The following DHRS4L2 variants were observed in gnomAD, a reference collection of about 807,000 sequenced individuals.
DHRS4L2 encodes the protein dehydrogenase/reductase 4 like 2.
Under a neutral mutation model 23.9 loss-of-function variants are expected in DHRS4L2, and 22 were observed. That is an observed-to-expected ratio of 0.92 (90% CI 0.66 to 1.31). The LOEUF is 1.31. Ranked by LOEUF, DHRS4L2 falls within the 40% of genes most tolerant of loss-of-function variation. DHRS4L2 has a pLI of 0.00. For synonymous variants in DHRS4L2, 141 were observed against 123.7 expected, an observed-to-expected ratio of 1.14 and a Z score of -0.93; for missense variants, 385 against 303.3, an observed-to-expected ratio of 1.27 and a Z score of -2.00.
Position 23,995,113 on chromosome 14 carries a change from A to G in DHRS4L2, c.388A>G (p.Thr130Ala). ...TTTCTTTGGAAGCCTAATGGATGTC[A>G]CCGAGGAGGTGTGGGACAAGGTGAG... The part of the protein sequence containing the change: ...NPFFGSLMDV[T>A]EEVWDKTLDI... The change falls in exon 3 of 8, where the codon ACC (threonine) becomes GCC (alanine). Residue 130 changes from threonine to alanine, a missense_variant. By Grantham distance (58) the Thr-to-Ala change is moderately conservative (BLOSUM62 0). Coordinates refer to ENST00000335125, the MANE Select transcript of DHRS4L2 (RefSeq NM_198083.4). 6.2e-7 allele frequency: 1 copy of G among 1,612,862 alleles called. No individual in the cohort carries two copies. The highest frequency in any genetic ancestry group is 8.5e-7 in the Non-Finnish European group (1 of 1,179,394).
rs2138556984 is a variant in DHRS4L2, at chr14:23,999,976, T to A, written c.409-887T>A. ...TCCCGAAGTGCAGGGATTGCAGGCA[T>A]GAGCCACCATGCCCAGCCCTGAGTT... On this transcript the variant is annotated intron_variant, in intron 3 of 7. Transcript: ENST00000335125. Among the ~76,000 whole-genome samples, 2 of 138,704 alleles carry A rather than the reference T, an allele frequency of 1.4e-5. 1 individual carries two copies. The highest frequency in any genetic ancestry group is 4.0e-4 in the East Asian group (2 of 4,972). 91.0% of individuals were successfully genotyped at this position (138,704 alleles called of 152,430 possible).
intron 1 of DHRS4L2, among the ~76,000 whole-genome samples, chr14:23,976,954 G>A (rs1245972503): frequency 6.6e-6 from 1 of 150,630 alleles, no homozygotes; most frequent in African/African-American, 2.4e-5. Flanking sequence ...GGGTCTGTTG[G>A]GGGCTGGGGG....
chr14:23,994,472 G>T (rs2034335700), intron 2 of DHRS4L2, among the ~76,000 whole-genome samples: 2 of 151,698 alleles, frequency 1.3e-5, no homozygotes, highest in African/African-American at 4.8e-5. Flanking sequence ...TGGATGGCTT[G>T]AGCCCAGGAG....
upstream of DHRS4L2, chr14:23,988,921 T>A: frequency 6.2e-7 from 1 of 1,609,478 alleles, no homozygotes; most frequent in Non-Finnish European, 8.5e-7. Flanking sequence ...CTGGAAGGAG[T>A]GGAACCCAGA....
chr14:23,995,836 C>T (rs2034371279), intron 3 of DHRS4L2, among the ~76,000 whole-genome samples: 1 of 151,724 alleles, frequency 6.6e-6, no homozygotes, highest in African/African-American at 2.4e-5. Flanking sequence ...TTGGGAAATG[C>T]TAATTTTTAT....
chr14:23,973,508 G>T (rs2033906876), intron 1 of DHRS4L2, among the ~76,000 whole-genome samples: 1 of 151,910 alleles, frequency 6.6e-6, no homozygotes, highest in African/African-American at 2.4e-5. Flanking sequence ...TGCCAAGAGT[G>T]AGCGAGGGCT....
At chr14:23,971,848 G>C (rs2033863701) in intron 1 of DHRS4L2, among the ~76,000 whole-genome samples, 1 of 152,066 alleles carries the variant, frequency 6.6e-6, no homozygotes, top group East Asian at 1.9e-4. Context: ...ACATGGAAAG[G>C]AACAACGGGT....
intron 7 of DHRS4L2, chr14:24,004,602 G>T (rs978896364): frequency 2.2e-5 from 18 of 815,916 alleles, no homozygotes; most frequent in Admixed American, 4.2e-5. Flanking sequence ...AGACATCGGG[G>T]TTTCAGCAGT....
upstream of DHRS4L2, among the ~76,000 whole-genome samples, chr14:23,987,822 T>A (rs1263787481): frequency 4.0e-5 from 6 of 151,834 alleles, no homozygotes; most frequent in African/African-American, 4.8e-5. Flanking sequence ...AGTCTGGCTT[T>A]GGAGGCCAGT....
At chr14:23,991,314 T>C (rs2034263889) in intron 2 of DHRS4L2, among the ~76,000 whole-genome samples, 1 of 151,632 alleles carries the variant, frequency 6.6e-6, no homozygotes, top group African/African-American at 2.4e-5. Flanking sequence ...AAGTCACAAA[T>C]GTGAGTCCAA....
chr14:23,971,938 A>G (rs1489894336), intron 1 of DHRS4L2, among the ~76,000 whole-genome samples: 2 of 152,080 alleles, frequency 1.3e-5, no homozygotes, highest in Admixed American at 6.5e-5. Context: ...GGGCAAAATA[A>G]CCAGCTAACG....
At chr14:23,990,084 C>A (rs2138534433) in intron 1 of DHRS4L2, 98 bp from the exon 2 acceptor site, 4 of 1,548,164 alleles carry the variant, frequency 2.6e-6, no homozygotes, top group East Asian at 2.3e-5. Flanking sequence ...AGAGAAAGAG[C>A]CAGAATTCAA....
chr14:23,975,840 G>A (rs75282871), intron 1 of DHRS4L2, among the ~76,000 whole-genome samples: 7,138 of 151,770 alleles, frequency 0.047, 281 homozygotes, highest in East Asian at 0.16. Context: ...AAACCTGACA[G>A]AAACAAGCAA....
chr14:23,976,875 C>A (rs926283941), intron 1 of DHRS4L2, among the ~76,000 whole-genome samples: 1 of 151,694 alleles, frequency 6.6e-6, no homozygotes, highest in Non-Finnish European at 1.5e-5. Flanking sequence ...AACGCTGCAT[C>A]TTCTCACTCA....
upstream of DHRS4L2, among the ~76,000 whole-genome samples, chr14:23,984,517 C>A (rs1463581158): frequency 6.6e-6 from 1 of 151,484 alleles, no homozygotes; most frequent in Admixed American, 6.6e-5. Context: ...AAACACCCGA[C>A]CGGGCGCAGT....
chr14:23,995,375 C>T (rs1320484468), intron 3 of DHRS4L2, among the ~76,000 whole-genome samples: 1 of 151,644 alleles, frequency 6.6e-6, no homozygotes, highest in South Asian at 2.1e-4. Flanking sequence ...GCCACTGCTC[C>T]CCTCCCCAGG....
At chr14:23,978,871 T>C (rs2034012028) in intron 1 of DHRS4L2, among the ~76,000 whole-genome samples, 2 of 140,692 alleles carry the variant, frequency 1.4e-5, no homozygotes, top group South Asian at 5.0e-4. Context: ...ATTGACACTA[T>C]GAAGAAACTG....
At chr14:23,970,095 G>T (rs146253694) in exon 1 of DHRS4L2, 1 of 394,482 alleles carries the variant, frequency 2.5e-6, no homozygotes, top group African/African-American at 2.3e-5. Flanking sequence ...GTAGGGGTCA[G>T]GGTGGCCAAG....
upstream of DHRS4L2, among the ~76,000 whole-genome samples, chr14:23,984,805 C>CAAAAAAA (rs568852943): frequency 3.0e-5 from 2 of 67,478 alleles, no homozygotes; most frequent in African/African-American, 1.1e-4. Context: ...GATGCCATCT[C>CAAAAAAA]AAAAAAAAAA....
Sources: gnomAD v4.1 joint callset for allele counts (sites outside exome capture counted in the v4.1 genomes callset) on GRCh38, gnomAD v4.1.1 for gene constraint, MANE v1.5 for transcripts, NCBI Gene and HGNC (gene_info 2026-07-23, HGNC 2026-07-21) for gene names.